The following TFAP2D variants were observed in gnomAD, a reference collection of about 807,000 sequenced individuals.
TFAP2D encodes transcription factor AP-2-delta.
A neutral mutation model predicts 43.6 loss-of-function variants in TFAP2D; 9 were observed. The ratio of observed to expected loss-of-function variants is 0.21; its 90% CI spans 0.12 to 0.36. The LOEUF is 0.36. Among genes scored for constraint, TFAP2D ranks in the 10% least tolerant of loss-of-function variants. TFAP2D has a pLI of 1.00. For missense variants in TFAP2D, 513 were observed against 561.4 expected, an observed-to-expected ratio of 0.91 and a Z score of 0.87; for synonymous variants, 256 against 224.9, an observed-to-expected ratio of 1.14 and a Z score of -1.24.
At chr6:50,764,519 T>G (rs892388251) in intron 7 of TFAP2D, among the ~76,000 whole-genome samples, 2 of 152,162 alleles carry the variant, frequency 1.3e-5, no homozygotes, top group Non-Finnish European at 1.5e-5. Context: ...GTGCAATATA[T>G]CCATGCAATG....
intron 7 of TFAP2D, among the ~76,000 whole-genome samples, chr6:50,766,859 G>A (rs1769452146): frequency 6.6e-6 from 1 of 151,202 alleles, no homozygotes; most frequent in Non-Finnish European, 1.5e-5. Flanking sequence ...TAGTAGAGAT[G>A]GGGTTTCACC....
intron 1 of TFAP2D, among the ~76,000 whole-genome samples, chr6:50,714,726 C>T (rs1250102393): frequency 2.0e-5 from 3 of 152,132 alleles, no homozygotes; most frequent in African/African-American, 4.8e-5. Flanking sequence ...GGACTCGTTC[C>T]TCTGCTACCC....
intron 4 of TFAP2D, 84 bp downstream of exon 4, chr6:50,729,105 A>C: frequency 6.2e-7 from 1 of 1,601,364 alleles, no homozygotes; most frequent in Non-Finnish European, 8.5e-7. Context: ...CTTCCATCTG[A>C]TAGTGTATTC....
At chr6:50,716,438 AGAAG>A (rs547955413) in intron 2 of TFAP2D, among the ~76,000 whole-genome samples, 61 of 147,700 alleles carry the variant, frequency 4.1e-4, no homozygotes, top group South Asian at 1.3e-3. Context: ...GAAAAAATAA[AGAAG>A]GAAGGAAGGA....
intron 5 of TFAP2D, among the ~76,000 whole-genome samples, chr6:50,741,115 A>G (rs1184861625): frequency 6.6e-6 from 1 of 151,838 alleles, no homozygotes; most frequent in Non-Finnish European, 1.5e-5. Context: ...AGTATTTAAT[A>G]TAAGTATTTA....
At chr6:50,739,056 T>C (rs188523014) in intron 5 of TFAP2D, among the ~76,000 whole-genome samples, 1 of 152,346 alleles carries the variant, frequency 6.6e-6, no homozygotes, top group Non-Finnish European at 1.5e-5. Flanking sequence ...CAGAGATTAA[T>C]TGATACGGGG....
At chr6:50,720,454 C>G (rs1378604022) in intron 3 of TFAP2D, among the ~76,000 whole-genome samples, 1 of 150,520 alleles carries the variant, frequency 6.6e-6, no homozygotes, top group South Asian at 2.1e-4. Flanking sequence ...AAGAGCTGCT[C>G]AACACTTCTT....
chr6:50,716,533 C>T (rs899142150), intron 2 of TFAP2D, among the ~76,000 whole-genome samples: 1 of 152,182 alleles, frequency 6.6e-6, no homozygotes, highest in African/African-American at 2.4e-5. Context: ...GAGGCCATCA[C>T]TCAATCAGAT....
At chr6:50,762,305 CAAG>C (rs1391196015) in intron 7 of TFAP2D, among the ~76,000 whole-genome samples, 1 of 151,742 alleles carries the variant, frequency 6.6e-6, no homozygotes, top group Non-Finnish European at 1.5e-5. Flanking sequence ...GGCCACTGGT[CAAG>C]AAGAAGATGC....
At chr6:50,727,819 A>G (rs1768830687) in intron 3 of TFAP2D, among the ~76,000 whole-genome samples, 1 of 152,194 alleles carries the variant, frequency 6.6e-6, no homozygotes, top group Admixed American at 6.5e-5. Context: ...GCGGTTTTGG[A>G]TCCCGGAACT....
chr6:50,761,580 A>T (rs1769365156), intron 7 of TFAP2D, among the ~76,000 whole-genome samples: 1 of 152,044 alleles, frequency 6.6e-6, no homozygotes, highest in African/African-American at 2.4e-5. Flanking sequence ...TCTTGCCAAG[A>T]TAGGAAGAAT....
At chr6:50,727,360 C>T (rs1025920569) in intron 3 of TFAP2D, among the ~76,000 whole-genome samples, 1 of 152,070 alleles carries the variant, frequency 6.6e-6, no homozygotes, top group African/African-American at 2.4e-5. Flanking sequence ...TCTTTTGCAA[C>T]CCAGCCCAGG....
chr6:50,771,622 G>A (rs1408556358), intron 7 of TFAP2D, among the ~76,000 whole-genome samples: 2 of 152,188 alleles, frequency 1.3e-5, no homozygotes, highest in Non-Finnish European at 2.9e-5. Context: ...TCTTAATGAG[G>A]TGGAGAATCA....
rs747696055 is a variant in TFAP2D, at chr6:50,715,107, T to G, written c.40-9T>G. The stretch of plus-strand genomic sequence containing the variant: ...TTTCTGCTCTCCCTTTTCCCCCTCT[T>G]CCTTCCAGATACGTCACGACGGATC... On this transcript the variant is annotated splice_polypyrimidine_tract_variant and intron_variant, in intron 1 of 7. Transcript: ENST00000008391. 1 of 1,609,296 alleles carries G rather than the reference T, an allele frequency of 6.2e-7. No homozygotes were observed. The highest frequency in any genetic ancestry group is 1.1e-5 in the South Asian group (1 of 91,032).
intron 3 of TFAP2D, among the ~76,000 whole-genome samples, chr6:50,719,945 C>T (rs1561931130): frequency 6.6e-6 from 1 of 152,204 alleles, no homozygotes; most frequent in Admixed American, 6.5e-5. Flanking sequence ...AGGTTTTGAA[C>T]TATGACATTC....
At chr6:50,716,973 A>G (rs1768637706) in intron 2 of TFAP2D, among the ~76,000 whole-genome samples, 1 of 152,260 alleles carries the variant, frequency 6.6e-6, no homozygotes, top group African/African-American at 2.4e-5. Context: ...TTGGTTCCAT[A>G]AACCTTGACT....
intron 3 of TFAP2D, among the ~76,000 whole-genome samples, chr6:50,724,249 ACT>A (rs1768773078): frequency 6.6e-6 from 1 of 152,004 alleles, no homozygotes; most frequent in Non-Finnish European, 1.5e-5. Flanking sequence ...GGGACAGGAA[ACT>A]CTTGTAATCG....
At chr6:50,716,768 C>T (rs530456086) in intron 2 of TFAP2D, among the ~76,000 whole-genome samples, 3 of 152,274 alleles carry the variant, frequency 2.0e-5, no homozygotes, top group Admixed American at 2.0e-4. Context: ...TGGCCACCTT[C>T]TTCACACTCT....
intron 7 of TFAP2D, among the ~76,000 whole-genome samples, chr6:50,766,469 T>A (rs1273300742): frequency 1.3e-5 from 2 of 151,992 alleles, no homozygotes; most frequent in African/African-American, 2.4e-5. Context: ...TTTAAAAAAA[T>A]TAATGCTTCC....
Sources: allele counts gnomAD v4.1 joint callset (sites outside exome capture counted in the v4.1 genomes callset), GRCh38; gene constraint gnomAD v4.1.1; transcripts MANE v1.5; gene names NCBI Gene and HGNC (gene_info 2026-07-23, HGNC 2026-07-21).